The following KCTD3 variants were observed in gnomAD, a reference collection of about 807,000 sequenced individuals.
KCTD3 encodes BTB/POZ domain-containing protein KCTD3.
A neutral mutation model predicts 85.8 loss-of-function variants in KCTD3; 41 were observed. The observed-to-expected ratio is 0.48, with a 90% CI of 0.37 to 0.62. KCTD3 has a LOEUF of 0.62. Ranked by LOEUF, KCTD3 falls within the 20% of genes least tolerant of loss-of-function variation. The pLI, the probability that KCTD3 is intolerant of heterozygous loss-of-function variation, is 0.00. For synonymous variants in KCTD3, 338 were observed against 345.4 expected, an observed-to-expected ratio of 0.98 and a Z score of 0.24; for missense variants, 724 against 989.9, an observed-to-expected ratio of 0.73 and a Z score of 3.60.
chr1:215,618,768 T>G, intron 15 of KCTD3, 118 bp from the exon 16 acceptor site: 2 of 751,908 alleles, frequency 2.7e-6, no homozygotes, highest in Non-Finnish European at 4.2e-6. Context: ...AATGATTTTT[T>G]AAAAGTCTTT....
intron 3 of KCTD3, among the ~76,000 whole-genome samples, chr1:215,575,642 A>G (rs1659543105): frequency 6.6e-6 from 1 of 152,226 alleles, no homozygotes; most frequent in African/African-American, 2.4e-5. Flanking sequence ...TTATTAGACA[A>G]GATTTTTTCT....
At chr1:215,598,955 A>C (rs1219898803) in intron 10 of KCTD3, among the ~76,000 whole-genome samples, 2 of 152,226 alleles carry the variant, frequency 1.3e-5, no homozygotes, top group Non-Finnish European at 2.9e-5. Flanking sequence ...AAATGTACCA[A>C]GTCTTGGCAG....
At position 215,621,084 on chromosome 1, in the gene KCTD3, G is replaced by C. The variant is rs1229367480; in HGVS notation, c.*466G>C. ...TATTGTGATTGCAAAGTGTTTACCAGATATTTGATGAGGTGCTATGTTTGT... is the reference window on the plus strand; with the variant it reads ...TATTGTGATTGCAAAGTGTTTACCACATATTTGATGAGGTGCTATGTTTGT... On this transcript the variant is annotated 3_prime_UTR_variant, in exon 18 of 18. Transcript: ENST00000259154. The C allele has an allele frequency of 6.3e-6, 1 of 157,984 alleles. No homozygotes were observed. Among genetic ancestry groups the C allele is most frequent in the African/African-American group, 2.4e-5 (1 of 41,678 alleles). 9.8% of individuals were successfully genotyped at this position (157,984 alleles called of 1,614,324 possible). A position where few individuals can be genotyped will look rare whatever the true frequency, so the allele number is the denominator to read the frequency against.
At chr1:215,601,424 A>G (rs1259942060) in intron 10 of KCTD3, among the ~76,000 whole-genome samples, 2 of 152,192 alleles carry the variant, frequency 1.3e-5, no homozygotes, top group African/African-American at 4.8e-5. Context: ...CTTTCTGGAA[A>G]TCAGTTGCTT....
At chr1:215,605,688 C>G (rs1402525062) in intron 13 of KCTD3, among the ~76,000 whole-genome samples, 1 of 152,114 alleles carries the variant, frequency 6.6e-6, no homozygotes, top group African/African-American at 2.4e-5. Context: ...CAAAAGCCAT[C>G]TTAGTATACA....
rs1452812111 is a variant in KCTD3 at position 215,567,783 on chromosome 1, A to AGC, written c.83+17_83+18dup. The AGC allele has an allele frequency of 8.1e-7, 1 of 1,240,082 alleles. No homozygotes were observed. The allele number at this position is 1,240,082 out of a possible 1,614,324, so 76.8% of individuals were successfully genotyped here. A position where few individuals can be genotyped will look rare whatever the true frequency, so the allele number is the denominator to read the frequency against. ...GGGGGGACCAGGTGAGTCGGCGGGTAGCGGGCTTGCAGCGGGGATGCCTTG... is the reference window on the plus strand; with the variant it reads ...GGGGGGACCAGGTGAGTCGGCGGGTAGCGCGGGCTTGCAGCGGGGATGCCTTG... On this transcript the variant is annotated intron_variant, in intron 1 of 17. Transcript: ENST00000259154.
Position 215,567,594 on chromosome 1 carries a change from T to G in KCTD3, c.-92T>G. ...CCGGCCGCCGCCGCCCCGCTGGCCC[T>G]GCAGCCGTCGCCGCTGCCTCGGGCT... On this transcript the variant is annotated 5_prime_UTR_variant, in exon 1 of 18. Coordinates refer to ENST00000259154, the MANE Select transcript of KCTD3 (RefSeq NM_016121.5). The G allele has an allele frequency of 1.5e-6, 1 of 657,146 alleles. No individual in the cohort carries two copies. 40.7% of individuals were successfully genotyped at this position (657,146 alleles called of 1,614,324 possible).
chr1:215,615,037 C>T (rs1655379880), intron 15 of KCTD3, among the ~76,000 whole-genome samples: 1 of 152,106 alleles, frequency 6.6e-6, no homozygotes, highest in East Asian at 1.9e-4. Context: ...TGATATCCCC[C>T]TTTCTGTTAT....
At position 215,575,929 on chromosome 1, in the gene KCTD3, T is replaced by A; in HGVS notation, c.212T>A (p.Phe71Tyr). The change falls in exon 4 of 18, where the codon TTT (phenylalanine) becomes TAT (tyrosine). Residue 71 changes from phenylalanine to tyrosine, a missense_variant. Transcript: ENST00000259154. ...TTTATTGATAGAGATCCAGCAGCATTTGCACCCATTTTAAATTTTCTTCGG... is the reference window on the plus strand; with the variant it reads ...TTTATTGATAGAGATCCAGCAGCATATGCACCCATTTTAAATTTTCTTCGG... ...AIFIDRDPAA[F>Y]APILNFLRTK... is the part of the protein sequence containing the mutation. The A allele has an allele frequency of 4.5e-6, 7 of 1,565,080 alleles. No homozygotes were observed. Among genetic ancestry groups the A allele is most frequent in the Non-Finnish European group, 6.1e-6 (7 of 1,152,222 alleles).
chr1:215,597,732 T>G (rs1251596971), intron 10 of KCTD3, among the ~76,000 whole-genome samples: 1 of 152,112 alleles, frequency 6.6e-6, no homozygotes, highest in African/African-American at 2.4e-5. Flanking sequence ...CTTGTTTGAT[T>G]TAGCTTCTCT....
intron 15 of KCTD3, among the ~76,000 whole-genome samples, chr1:215,616,322 C>T (rs1014159605): frequency 1.3e-5 from 2 of 152,044 alleles, no homozygotes; most frequent in Non-Finnish European, 2.9e-5. Flanking sequence ...AAATTATGAT[C>T]ATCTTGATAA....
intron 9 of KCTD3, among the ~76,000 whole-genome samples, chr1:215,594,319 A>T (rs888120305): frequency 6.6e-6 from 1 of 152,204 alleles, no homozygotes; most frequent in African/African-American, 2.4e-5. Context: ...TCTGCTAAAG[A>T]GAGACAAGTG....
intron 9 of KCTD3, among the ~76,000 whole-genome samples, chr1:215,592,398 G>T (rs547355736): frequency 2.3e-4 from 35 of 151,800 alleles, no homozygotes; most frequent in Non-Finnish European, 4.7e-4. Flanking sequence ...GTTTTAAAGT[G>T]GAGAATAATC....
Position 215,567,472 on chromosome 1 carries a change from C to G in KCTD3, c.-214C>G, listed in dbSNP as rs954352835. 2 of 269,832 alleles carry G rather than the reference C, an allele frequency of 7.4e-6. No individual in the cohort carries two copies. The highest frequency in any genetic ancestry group is 4.5e-5 in the African/African-American group (2 of 44,676). The allele number at this position is 269,832 out of a possible 1,614,324, so 16.7% of individuals were successfully genotyped here. On this transcript the variant is annotated 5_prime_UTR_variant, in exon 1 of 18. Coordinates refer to ENST00000259154, the MANE Select transcript of KCTD3 (RefSeq NM_016121.5). ...CGCGAAAGGTGGAGGCCGGGCCGCC[C>G]TTGTGCACCGCAGGATTGACCCGGG...
chr1:215,617,905 C>G (rs1388923618), intron 15 of KCTD3, among the ~76,000 whole-genome samples: 2 of 149,482 alleles, frequency 1.3e-5, no homozygotes, highest in East Asian at 3.9e-4. Context: ...TAGTGACTCC[C>G]TTAGAAATTT....
Position 215,579,080 on chromosome 1 carries a change from C to T in KCTD3, c.478C>T (p.Arg160Trp), listed in dbSNP as rs752225604. 17 of 1,598,390 alleles carry T rather than the reference C, an allele frequency of 1.1e-5. No homozygotes were observed. Among genetic ancestry groups the T allele is most frequent in the East Asian group, 9.1e-5 (4 of 44,024 alleles). Residue 160 changes from arginine (R) to tryptophan (W), a missense_variant, in exon 7 of 18, where the codon CGG becomes TGG. Physicochemically the swap from Arg to Trp is moderately radical, Grantham distance 101 (BLOSUM62 -3). This residue lies in a region of KCTD3 where 106 missense variants were observed against 98.2 expected (regional missense o/e 1.08). Coordinates refer to ENST00000259154, the MANE Select transcript of KCTD3 (RefSeq NM_016121.5). ...TCTAAATTCTACAGAAGGTGAAGCC[C>T]GGGGAAATGGTACACAGCCTGTTCT... is the stretch of plus-strand genomic sequence containing the variant. ...NGLNSTEGEA[R>W]GNGTQPVLSG...
intron 1 of KCTD3, 123 bp from the exon 2 acceptor site, chr1:215,573,663 T>C (rs1464100791): frequency 8.7e-6 from 5 of 573,770 alleles, no homozygotes; most frequent in Non-Finnish European, 1.3e-5. Flanking sequence ...AATAAATATA[T>C]TGGTACAGCT....
At chr1:215,577,518 T>G in intron 4 of KCTD3, 152 bp from the exon 5 acceptor site, 1 of 565,232 alleles carries the variant, frequency 1.8e-6, no homozygotes, top group Non-Finnish European at 3.2e-6. Flanking sequence ...TTTTAATGAT[T>G]AAGGATAATA....
chr1:215,604,128 A>T lies in KCTD3; in HGVS notation c.1139-4A>T, dbSNP rs376049494. On this transcript the variant is annotated splice_polypyrimidine_tract_variant and splice_region_variant and intron_variant, in intron 12 of 17. Transcript: ENST00000259154. ...ATCACCTGTCAACTCTTGACTTTATATAGGTGTCAGTGGTAACTGGATCGA... is the reference window on the plus strand; with the variant it reads ...ATCACCTGTCAACTCTTGACTTTATTTAGGTGTCAGTGGTAACTGGATCGA... 8.1e-6 allele frequency: 13 copies of T among 1,604,486 alleles called. No homozygotes were observed. Among genetic ancestry groups the T allele is most frequent in the Non-Finnish European group, 1.1e-5 (13 of 1,176,402 alleles).
Sources: gnomAD v4.1 joint callset for allele counts (sites outside exome capture counted in the v4.1 genomes callset) on GRCh38, gnomAD v4.1.1 for gene constraint, gnomAD v4.1.1 regional missense constraint, MANE v1.5 for transcripts, NCBI Gene and HGNC (gene_info 2026-07-23, HGNC 2026-07-21) for gene names.